The following USP34 variants were observed in gnomAD, a reference collection of about 807,000 sequenced individuals.
USP34 encodes ubiquitin carboxyl-terminal hydrolase 34.
In USP34, 70 loss-of-function variants were observed where a neutral mutation model predicts 460.3. That is an observed-to-expected ratio of 0.15 (90% CI 0.13 to 0.19). The LOEUF is 0.19. Among genes scored for constraint, USP34 ranks in the 10% least tolerant of loss-of-function variants. The pLI, the probability that USP34 is intolerant of heterozygous loss-of-function variation, is 1.00. For synonymous variants in USP34, 1,647 were observed against 1,405.3 expected (o/e 1.17, Z -3.85); for missense variants, 3,985 against 4,236.2 (o/e 0.94, Z 1.65).
In USP34 at chr2:61,394,819, C is replaced by T. The variant is rs563623317; in HGVS notation, c.753+34G>A. The T allele has an allele frequency of 2.7e-6, 4 of 1,454,686 alleles. No individual in the cohort carries two copies. In the Admixed American group the frequency reaches 7.3e-5, roughly 27 times the overall value. 90.1% of individuals were successfully genotyped at this position (1,454,686 alleles called of 1,614,324 possible). A position where few individuals can be genotyped will look rare whatever the true frequency, so the allele number is the denominator to read the frequency against. ...TGTTACTGATATGCTAGACATTGCTCCCAAAATTAAGATCAATTCAAAACA... is the reference window on the plus strand; with the variant it reads ...TGTTACTGATATGCTAGACATTGCTTCCAAAATTAAGATCAATTCAAAACA... On this transcript the variant is annotated intron_variant, in intron 5 of 79. Coordinates refer to ENST00000398571, the MANE Select transcript of USP34 (RefSeq NM_014709.4).
chr2:61,221,742 T>C (rs1687593706), intron 65 of USP34, 136 bp from the exon 66 acceptor site: 1 of 721,824 alleles, frequency 1.4e-6, no homozygotes. Context: ...TACTTCTGCA[T>C]GTGAACCTGA....
chr2:61,265,852 A>T, intron 42 of USP34, 132 bp downstream of exon 42: 1 of 910,972 alleles, frequency 1.1e-6, no homozygotes, highest in Non-Finnish European at 1.5e-6. Flanking sequence ...TTTAACTTTA[A>T]TAACACCCTA....
rs377379006 is a variant in USP34 at position 61,188,137 on chromosome 2, T to G, written c.10606A>C (p.Arg3536=). Residue 3536 remains arginine, a synonymous_variant, in exon 80 of 80, where the codon AGG becomes CGG. Coordinates refer to ENST00000398571, the MANE Select transcript of USP34 (RefSeq NM_014709.4). The stretch of plus-strand genomic sequence containing the variant: ...GCTTGGTTTCCTTTGCCAGATATCC[T>G]TGTGACGACATGGATTGTAGATTCA... ...TIESTIHVVT[R]ISGKGNQAAS The G allele has an allele frequency of 6.2e-7, 1 of 1,613,790 alleles. No individual in the cohort carries two copies. The highest frequency in any genetic ancestry group is 8.5e-7 in the Non-Finnish European group (1 of 1,179,944).
intron 16 of USP34, among the ~76,000 whole-genome samples, chr2:61,340,013 T>C (rs1391683418): frequency 6.6e-6 from 1 of 152,130 alleles, no homozygotes; most frequent in African/African-American, 2.4e-5. Flanking sequence ...GCCATTTAGA[T>C]TTGATAAGGC....
chr2:61,286,940 G>A (rs1318102017), intron 34 of USP34, among the ~76,000 whole-genome samples: 1 of 152,060 alleles, frequency 6.6e-6, no homozygotes, highest in African/African-American at 2.4e-5. Context: ...TATTTAGTGA[G>A]TGATGGAAAG....
At position 61,232,436 on chromosome 2, in the gene USP34, A is replaced by T. The variant is rs770926134; in HGVS notation, c.7113+16T>A. On this transcript the variant is annotated intron_variant, in intron 58 of 79. Transcript: ENST00000398571. Reference sequence around the variant, plus strand: ...TTCTTTTCCAAATAATTTTTTTCAAACATATTTTTCCTTACCTGTCTCACA... The same window carrying T: ...TTCTTTTCCAAATAATTTTTTTCAATCATATTTTTCCTTACCTGTCTCACA... 1 of 1,587,364 alleles carries T rather than the reference A, an allele frequency of 6.3e-7. No homozygotes were observed. Among genetic ancestry groups the T allele is most frequent in the East Asian group, 2.2e-5 (1 of 44,632 alleles).
intron 18 of USP34, among the ~76,000 whole-genome samples, chr2:61,335,089 G>C (rs952608416): frequency 6.6e-6 from 1 of 152,058 alleles, no homozygotes; most frequent in African/African-American, 2.4e-5. Flanking sequence ...ATGACAGAAA[G>C]TACTGCTTTT....
intron 5 of USP34, among the ~76,000 whole-genome samples, chr2:61,388,058 G>C (rs1157314914): frequency 1.3e-5 from 2 of 151,918 alleles, no homozygotes; most frequent in East Asian, 1.9e-4. Flanking sequence ...TTGAGCTCAG[G>C]AGTTTGAGAT....
rs1572816478 is a variant in USP34 at position 61,187,783 on chromosome 2, G to T, written c.*319C>A. The T allele has an allele frequency of 4.1e-6, 3 of 738,074 alleles. No individual in the cohort carries two copies. Among genetic ancestry groups the T allele is most frequent in the East Asian group, 7.8e-5 (1 of 12,860 alleles). The allele number at this position is 738,074 out of a possible 1,614,324, so 45.7% of individuals were successfully genotyped here. On this transcript the variant is annotated 3_prime_UTR_variant, in exon 80 of 80. Coordinates refer to ENST00000398571, the MANE Select transcript of USP34 (RefSeq NM_014709.4). Reference sequence around the variant, plus strand: ...CCATATCATACACAGTAAAAATGCTGTAAGTTTAAATTACATTGTACAGGG... The same window carrying T: ...CCATATCATACACAGTAAAAATGCTTTAAGTTTAAATTACATTGTACAGGG...
rs370536113 is a variant in USP34, at chr2:61,350,246, A to T, written c.1507+14T>A. The T allele has an allele frequency of 1.7e-4, 265 of 1,585,422 alleles. 1 individual carries two copies. The highest frequency in any genetic ancestry group is 2.1e-4 in the Non-Finnish European group (250 of 1,165,780). On this transcript the variant is annotated intron_variant, in intron 12 of 79. Coordinates refer to ENST00000398571, the MANE Select transcript of USP34 (RefSeq NM_014709.4). ...CTCTCAACAATTTACTTCAAAATAC[A>T]TGACATTACTAACCTTTCTTATTTC...
At chr2:61,267,240 A>T (rs1689075963) in intron 41 of USP34, among the ~76,000 whole-genome samples, 1 of 152,150 alleles carries the variant, frequency 6.6e-6, no homozygotes, top group African/African-American at 2.4e-5. Flanking sequence ...GTATAACTAT[A>T]TGCTGAGTCC....
chr2:61,302,577 T>C (rs1690262948), intron 27 of USP34, among the ~76,000 whole-genome samples: 1 of 152,210 alleles, frequency 6.6e-6, no homozygotes, highest in Non-Finnish European at 1.5e-5. Flanking sequence ...TTTCCTACCA[T>C]TGTTAACACA....
rs770987429 is a variant in USP34 at position 61,380,199 on chromosome 2, A to G, written c.984T>C (p.Thr328=). 114 of 1,613,746 alleles carry G rather than the reference A, an allele frequency of 7.1e-5. 3 individuals are homozygous for G. Among genetic ancestry groups the G allele is most frequent in the Middle Eastern group, 1.6e-4 (1 of 6,084 alleles). ...AFKYFMSPTL[T]MRLAGLSQIT... ...TCTGACTCAATCCAGCCAACCTCAT[A>G]GTCAAAGTAGGTGACATAAAGTACT... is the stretch of plus-strand genomic sequence containing the variant. The change falls in exon 7 of 80, where the codon ACT becomes ACC. Residue 328 remains threonine, a synonymous_variant. Transcript: ENST00000398571.
chr2:61,237,285 G>A (rs1224051514), intron 53 of USP34, among the ~76,000 whole-genome samples: 2 of 152,032 alleles, frequency 1.3e-5, no homozygotes, highest in Admixed American at 1.3e-4. Context: ...ATTCAGTACT[G>A]TTTATAAATA....
At chr2:61,229,744 T>C in intron 58 of USP34, 111 bp from the exon 59 acceptor site, 1 of 857,194 alleles carries the variant, frequency 1.2e-6, no homozygotes, top group Non-Finnish European at 1.8e-6. Context: ...TGCACAAGAT[T>C]ATCTTGGTAT....
chr2:61,385,112 T>G (rs1693095853), intron 5 of USP34, among the ~76,000 whole-genome samples: 1 of 152,048 alleles, frequency 6.6e-6, no homozygotes, highest in Non-Finnish European at 1.5e-5. Flanking sequence ...TGAGAACAAA[T>G]AATACAGTTT....
rs374360822 is a variant in USP34, at chr2:61,470,712, C to G, written c.-20G>C. ...GCACATCGTTCGGCCGCCGCCCCCC[C>G]CCTCCCCCGCTTCGGATCACACTGA... On this transcript the variant is annotated 5_prime_UTR_variant, in exon 1 of 80. Transcript: ENST00000398571. 6.3e-5 allele frequency: 100 copies of G among 1,588,246 alleles called. No individual in the cohort carries two copies. Among genetic ancestry groups the G allele is most frequent in the Non-Finnish European group, 3.9e-5 (46 of 1,166,732 alleles).
intron 27 of USP34, among the ~76,000 whole-genome samples, chr2:61,307,720 A>C (rs1187025647): frequency 2.6e-5 from 4 of 152,174 alleles, no homozygotes; most frequent in Non-Finnish European, 5.9e-5. Context: ...GAAGACCGAG[A>C]GTACAAAGCT....
At chr2:61,367,324 G>GCGCGCACACACACACGCA (rs2103828438) in intron 10 of USP34, among the ~76,000 whole-genome samples, 2 of 150,586 alleles carry the variant, frequency 1.3e-5, no homozygotes, top group South Asian at 4.2e-4. Flanking sequence ...ACACACACGC[G>GCGCGCACACACACACGCA]CGCGCACACA....
Sources: gnomAD v4.1 joint callset for allele counts (sites outside exome capture counted in the v4.1 genomes callset) on GRCh38, gnomAD v4.1.1 for gene constraint, MANE v1.5 for transcripts, NCBI Gene and HGNC (gene_info 2026-07-23, HGNC 2026-07-21) for gene names.